Variants in ZNF765 observed in about 807,000 individuals in gnomAD.
The protein encoded by ZNF765 is zinc finger protein 765.
ZNF765 carries 37 observed loss-of-function variants against 44.7 expected under a neutral mutation model. The ratio of observed to expected loss-of-function variants is 0.83; its 90% CI spans 0.64 to 1.09. The LOEUF (loss-of-function observed/expected upper bound fraction) is 1.09, where lower values mean the gene tolerates loss of function less well. ZNF765 is among the 50% of genes least tolerant of loss of function. ZNF765 has a pLI of 0.00. For synonymous variants in ZNF765, 201 were observed against 213.7 expected (o/e 0.94, Z 0.52); for missense variants, 594 against 626.1 (o/e 0.95, Z 0.55).
In ZNF765 at chr19:53,409,408, A is replaced by T; in HGVS notation, c.*281A>T. On this transcript the variant is annotated 3_prime_UTR_variant, in exon 4 of 4. Coordinates refer to ENST00000396408, the MANE Select transcript of ZNF765 (RefSeq NM_001040185.3). ...TGAAGAAGCTTTCTGTTTCAAATCC[A>T]ACCTTGAAAGACATAGGAGAATTCA... 1 of 846,170 alleles carries T rather than the reference A, an allele frequency of 1.2e-6. No homozygotes were observed. 52.4% of individuals were successfully genotyped at this position (846,170 alleles called of 1,614,324 possible). A position where few individuals can be genotyped will look rare whatever the true frequency, so the allele number is the denominator to read the frequency against.
intron 3 of ZNF765, among the ~76,000 whole-genome samples, chr19:53,418,797 C>G (rs55687667): frequency 6.6e-6 from 1 of 150,906 alleles, no homozygotes; most frequent in Non-Finnish European, 1.5e-5. Flanking sequence ...CCCAGCTACT[C>G]TGGAGGCTGA....
chr19:53,403,601 C>T (rs1352232178), intron 3 of ZNF765, among the ~76,000 whole-genome samples: 13 of 152,154 alleles, frequency 8.5e-5, no homozygotes, highest in East Asian at 1.9e-4. Context: ...CCCAGCACTT[C>T]GGGAGGCCGA....
At position 53,410,256 on chromosome 19, in the gene ZNF765, C is replaced by A; in HGVS notation, c.*1129C>A. The A allele has an allele frequency of 2.8e-6, 1 of 358,908 alleles. No individual in the cohort carries two copies. The highest frequency in any genetic ancestry group is 5.7e-6 in the Non-Finnish European group (1 of 176,958). The allele number at this position is 358,908 out of a possible 1,614,324, so 22.2% of individuals were successfully genotyped here. ...GAATTCATACTGGAGATAAACGTTA[C>A]AAATGTGAAGCATGTGACAAAGTTT... On this transcript the variant is annotated 3_prime_UTR_variant, in exon 4 of 4. Coordinates refer to ENST00000396408, the MANE Select transcript of ZNF765 (RefSeq NM_001040185.3).
In ZNF765 at chr19:53,409,174, C is replaced by T. The variant is rs761394140; in HGVS notation, c.*47C>T. The T allele has an allele frequency of 1.6e-5, 23 of 1,482,272 alleles. No homozygotes were observed. Among genetic ancestry groups the T allele is most frequent in the East Asian group, 4.5e-5 (2 of 43,964 alleles). The allele number at this position is 1,482,272 out of a possible 1,614,324, so 91.8% of individuals were successfully genotyped here. On this transcript the variant is annotated 3_prime_UTR_variant, in exon 4 of 4. Coordinates refer to ENST00000396408, the MANE Select transcript of ZNF765 (RefSeq NM_001040185.3). Reference sequence around the variant, plus strand: ...TCAGGAGTTAACCCTTACATGCCATCGTAGGCTTCATAGTGGAGAGAAACC... The same window carrying T: ...TCAGGAGTTAACCCTTACATGCCATTGTAGGCTTCATAGTGGAGAGAAACC...
At chr19:53,402,988 A>G (rs2085741963) in intron 3 of ZNF765, among the ~76,000 whole-genome samples, 1 of 152,064 alleles carries the variant, frequency 6.6e-6, no homozygotes, top group East Asian at 1.9e-4. Context: ...CACCCTGGCC[A>G]ACAGGGTGAA....
At chr19:53,407,061 AAGT>A (rs2085782252) in intron 3 of ZNF765, among the ~76,000 whole-genome samples, 1 of 152,170 alleles carries the variant, frequency 6.6e-6, no homozygotes, top group Non-Finnish European at 1.5e-5. Flanking sequence ...ACCCAGGCTG[AAGT>A]ACAGTGGTGC....
chr19:53,403,342 A>G (rs1028960602), intron 3 of ZNF765, among the ~76,000 whole-genome samples: 1 of 151,120 alleles, frequency 6.6e-6, no homozygotes, highest in African/African-American at 2.5e-5. Context: ...ATTCTGTTAC[A>G]TATTATCTGT....
At chr19:53,414,470 CACACACACACACACACA>C (rs1568785974), downstream of ZNF765, among the ~76,000 whole-genome samples, 102 of 24,678 alleles carry the variant, frequency 4.1e-3, 7 homozygotes, top group Non-Finnish European at 7.6e-3. Context: ...CACACACACA[CACACACACACACACACA>C]CACCCCCCCC....
chr19:53,412,997 T>A (rs117147410), downstream of ZNF765, among the ~76,000 whole-genome samples: 1,193 of 152,090 alleles, frequency 7.8e-3, 8 homozygotes, highest in Non-Finnish European at 0.012. Context: ...GTAATCCCAG[T>A]TACTGGGAAG....
chr19:53,414,479 ACACACACACACC>A (rs2085860726), downstream of ZNF765, among the ~76,000 whole-genome samples: 1 of 1,674 alleles, frequency 6.0e-4, no homozygotes, highest in Non-Finnish European at 1.3e-3. Context: ...ACACACACAC[ACACACACACACC>A]CCCCCCCCCC....
At chr19:53,400,705 A>G (rs1322291825) in intron 2 of ZNF765, among the ~76,000 whole-genome samples, 1 of 145,448 alleles carries the variant, frequency 6.9e-6, no homozygotes. Flanking sequence ...GAAAATGACA[A>G]CCCTTTGTAT....
At chr19:53,400,380 G>A (rs1038521652) in intron 2 of ZNF765, among the ~76,000 whole-genome samples, 2 of 151,982 alleles carry the variant, frequency 1.3e-5, no homozygotes, top group Admixed American at 6.6e-5. Context: ...GTGCACACCC[G>A]CGTTACTACA....
downstream of ZNF765, among the ~76,000 whole-genome samples, chr19:53,412,874 G>C (rs919975184): frequency 4.6e-5 from 7 of 152,056 alleles, no homozygotes; most frequent in African/African-American, 1.4e-4. Context: ...GAAGAGGACT[G>C]ACAGGTAACA....
downstream of ZNF765, among the ~76,000 whole-genome samples, chr19:53,416,434 G>A (rs1225548079): frequency 6.6e-6 from 1 of 152,126 alleles, no homozygotes; most frequent in African/African-American, 2.4e-5. Context: ...CAAATGACTA[G>A]TAGCCTTCAT....
chr19:53,419,332 C>T (rs1251270501), intron 3 of ZNF765, among the ~76,000 whole-genome samples: 1 of 152,120 alleles, frequency 6.6e-6, no homozygotes, highest in Non-Finnish European at 1.5e-5. Flanking sequence ...GTGCAGAATC[C>T]ACACCCTCAA....
At position 53,407,847 on chromosome 19, in the gene ZNF765, G is replaced by C; in HGVS notation, c.292G>C (p.Glu98Gln). 1 of 1,613,376 alleles carries C rather than the reference G, an allele frequency of 6.2e-7. No homozygotes were observed. The highest frequency in any genetic ancestry group is 8.5e-7 in the Non-Finnish European group (1 of 1,179,822). ...QDIDKDIHDI[E>Q]FQWQEDERNG... The stretch of plus-strand genomic sequence containing the variant: ...TATTGATAAAGATATTCATGACATT[G>C]AGTTTCAGTGGCAAGAAGATGAAAG... Residue 98 changes from glutamate (E) to glutamine (Q), a missense_variant, in exon 4 of 4, where the codon GAG becomes CAG. Coordinates refer to ENST00000396408, the MANE Select transcript of ZNF765 (RefSeq NM_001040185.3).
At chr19:53,406,027 ATTTT>A (rs201892505) in intron 3 of ZNF765, among the ~76,000 whole-genome samples, 2 of 125,316 alleles carry the variant, frequency 1.6e-5, no homozygotes, top group African/African-American at 6.1e-5. Flanking sequence ...CCGTTAGTCA[ATTTT>A]TTTTTTTTTT....
At chr19:53,413,148 C>A (rs965386700), downstream of ZNF765, 7 of 523,456 alleles carry the variant, frequency 1.3e-5, no homozygotes, top group Non-Finnish European at 2.2e-5. Flanking sequence ...CTCTTCTCTT[C>A]CTCTCTCCCC....
intron 3 of ZNF765, among the ~76,000 whole-genome samples, chr19:53,403,279 G>C (rs1488485842): frequency 1.3e-5 from 2 of 152,164 alleles, no homozygotes; most frequent in Admixed American, 6.5e-5. Context: ...TCTGAGTGCA[G>C]ATTAAATACT....
Sources: gnomAD v4.1 joint callset for allele counts (sites outside exome capture counted in the v4.1 genomes callset) on GRCh38, gnomAD v4.1.1 for gene constraint, MANE v1.5 for transcripts, NCBI Gene and HGNC (gene_info 2026-07-23, HGNC 2026-07-21) for gene names.